The following ZDHHC7 variants were observed in gnomAD, a reference collection of about 807,000 sequenced individuals.
The protein encoded by ZDHHC7 is palmitoyltransferase ZDHHC7.
ZDHHC7 carries 12 observed loss-of-function variants against 34.1 expected under a neutral mutation model. The ratio of observed to expected loss-of-function variants is 0.35; its 90% CI spans 0.23 to 0.57. The LOEUF (loss-of-function observed/expected upper bound fraction) is 0.57, where lower values mean the gene tolerates loss of function less well. ZDHHC7 is among the 20% of genes least tolerant of loss of function. ZDHHC7 has a pLI of 0.84. For missense variants in ZDHHC7, 388 were observed against 402.7 expected (o/e 0.96, Z 0.31); for synonymous variants, 185 against 155.4 (o/e 1.19, Z -1.42).
chr16:85,006,780 C>T (rs796303560), intron 1 of ZDHHC7, among the ~76,000 whole-genome samples: 1 of 152,114 alleles, frequency 6.6e-6, no homozygotes, highest in African/African-American at 2.4e-5. Flanking sequence ...AAAACCACAG[C>T]ACAGGTCACA....
chr16:84,980,419 C>G (rs533959211), intron 4 of ZDHHC7, among the ~76,000 whole-genome samples: 1 of 152,090 alleles, frequency 6.6e-6, no homozygotes, highest in Admixed American at 6.5e-5. Flanking sequence ...CCTGTAATCC[C>G]AGCACTTTGG....
chr16:84,996,197 G>A (rs930027787), intron 1 of ZDHHC7, among the ~76,000 whole-genome samples, 190 bp from the exon 2 acceptor site: 3 of 152,118 alleles, frequency 2.0e-5, no homozygotes, highest in Admixed American at 6.6e-5. Flanking sequence ...CACAATCCTG[G>A]AAATCAAGTA....
At chr16:85,004,288 C>A (rs2072689833) in intron 1 of ZDHHC7, among the ~76,000 whole-genome samples, 1 of 152,038 alleles carries the variant, frequency 6.6e-6, no homozygotes, top group Admixed American at 6.6e-5. Flanking sequence ...TAAACCTACC[C>A]CAAATCCGAC....
the ZDHHC7 span, among the ~76,000 whole-genome samples, chr16:85,019,610 AG>A: frequency 6.6e-6 from 1 of 152,158 alleles, no homozygotes; most frequent in Non-Finnish European, 1.5e-5. Flanking sequence ...CCAGCTACCC[AG>A]GAGGCTGAGG....
At chr16:84,994,514 A>G (rs2072551099) in intron 2 of ZDHHC7, among the ~76,000 whole-genome samples, 1 of 152,222 alleles carries the variant, frequency 6.6e-6, no homozygotes, top group African/African-American at 2.4e-5. Context: ...CTCTCCAGAA[A>G]GCAGGGCCTC....
At chr16:84,984,008 TAG>T (rs1465116948) in intron 3 of ZDHHC7, among the ~76,000 whole-genome samples, 3 of 149,626 alleles carry the variant, frequency 2.0e-5, no homozygotes, top group Admixed American at 2.0e-4. Context: ...TTCTACAATT[TAG>T]AGTCTTTTTT....
intron 3 of ZDHHC7, among the ~76,000 whole-genome samples, chr16:84,983,534 T>A (rs1470322854): frequency 6.6e-6 from 1 of 152,162 alleles, no homozygotes; most frequent in Non-Finnish European, 1.5e-5. Context: ...GAGTGTTGAC[T>A]GCCCAAACCT....
intron 1 of ZDHHC7, among the ~76,000 whole-genome samples, chr16:85,010,421 C>T (rs965815848): frequency 6.6e-6 from 1 of 152,082 alleles, no homozygotes; most frequent in African/African-American, 2.4e-5. Flanking sequence ...ATGAAGAGTT[C>T]AGAAAGAAAT....
At chr16:85,017,878 C>G in the ZDHHC7 span, among the ~76,000 whole-genome samples, 925 of 152,328 alleles carry the variant, frequency 6.1e-3, 12 homozygotes, top group South Asian at 0.029. Context: ...TTTGAGGTTG[C>G]TACCTCTATA....
At chr16:85,003,648 T>G (rs1042922544) in intron 1 of ZDHHC7, among the ~76,000 whole-genome samples, 4 of 152,098 alleles carry the variant, frequency 2.6e-5, no homozygotes, top group African/African-American at 9.7e-5. Flanking sequence ...TCAAGCCAGA[T>G]CTCAATGATA....
rs767169864 is a variant in ZDHHC7, at chr16:84,976,342, C to G, written c.*1G>C. The G allele has an allele frequency of 6.2e-7, 1 of 1,613,852 alleles. No individual in the cohort carries two copies. Among genetic ancestry groups the G allele is most frequent in the South Asian group, 1.1e-5 (1 of 91,064 alleles). On this transcript the variant is annotated 3_prime_UTR_variant, in exon 8 of 8. Transcript: ENST00000313732. Reference sequence around the variant, plus strand: ...CAAGTTTCAGTCTGATGAGCCACGCCTCACACTGAGAACTCCGGGCCACCT... The same window carrying G: ...CAAGTTTCAGTCTGATGAGCCACGCGTCACACTGAGAACTCCGGGCCACCT...
intron 1 of ZDHHC7, among the ~76,000 whole-genome samples, chr16:84,998,425 G>A: frequency 6.6e-6 from 1 of 152,130 alleles, no homozygotes; most frequent in East Asian, 1.9e-4. Flanking sequence ...CACTCCATCT[G>A]TAGCTGAGAT....
chr16:85,000,493 C>T (rs1206319525), intron 1 of ZDHHC7, among the ~76,000 whole-genome samples: 1 of 152,172 alleles, frequency 6.6e-6, no homozygotes. Context: ...TCAGTGACTA[C>T]AGAAAAGAAC....
At chr16:85,008,181 C>G (rs1001279831) in intron 1 of ZDHHC7, among the ~76,000 whole-genome samples, 2 of 152,036 alleles carry the variant, frequency 1.3e-5, no homozygotes, top group Non-Finnish European at 2.9e-5. Flanking sequence ...GCCCTTTGTC[C>G]TCAGCTAACA....
chr16:85,018,720 G>C, the ZDHHC7 span, among the ~76,000 whole-genome samples: 1 of 152,154 alleles, frequency 6.6e-6, no homozygotes. Context: ...AAAGTGCTGA[G>C]ATTACAGGCA....
the ZDHHC7 span, among the ~76,000 whole-genome samples, chr16:85,021,936 C>A: frequency 1.3e-5 from 2 of 151,138 alleles, no homozygotes; most frequent in African/African-American, 4.9e-5. Context: ...GCGGTTGGAT[C>A]ACGAGGTCAG....
chr16:85,024,767 C>T, the ZDHHC7 span, among the ~76,000 whole-genome samples: 1 of 152,180 alleles, frequency 6.6e-6, no homozygotes, highest in African/African-American at 2.4e-5. Context: ...GTGGGGCTGA[C>T]CCCTACTCCT....
At chr16:85,012,014 T>C (rs1378443905), upstream of ZDHHC7, among the ~76,000 whole-genome samples, 1 of 152,210 alleles carries the variant, frequency 6.6e-6, no homozygotes, top group Non-Finnish European at 1.5e-5. Context: ...GGCCTCCTCC[T>C]TGAGGGACTT....
intron 1 of ZDHHC7, among the ~76,000 whole-genome samples, chr16:85,008,888 A>G (rs1395589574): frequency 6.6e-6 from 1 of 151,852 alleles, no homozygotes; most frequent in South Asian, 2.1e-4. Context: ...TCTACTAAAA[A>G]TACAAAATTA....
Sources: gnomAD v4.1 joint callset for allele counts (sites outside exome capture counted in the v4.1 genomes callset) on GRCh38, gnomAD v4.1.1 for gene constraint, MANE v1.5 for transcripts, NCBI Gene and HGNC (gene_info 2026-07-23, HGNC 2026-07-21) for gene names.